RPS29: variants seen among roughly 807,000 people sequenced by gnomAD.
RPS29 encodes the protein small ribosomal subunit protein uS14.
For missense variants in RPS29, 60 were observed against 75.7 expected, an observed-to-expected ratio of 0.79 and a Z score of 0.77; for synonymous variants, 37 against 26.9, an observed-to-expected ratio of 1.37 and a Z score of -1.16.
upstream of RPS29, among the ~76,000 whole-genome samples, chr14:49,587,035 T>G (rs1430291327): frequency 6.6e-6 from 1 of 152,230 alleles, no homozygotes; most frequent in Non-Finnish European, 1.5e-5. Flanking sequence ...GGAATAAATT[T>G]ACAAAACAAC....
At chr14:49,589,748 C>T (rs528462131), upstream of RPS29, among the ~76,000 whole-genome samples, 1 of 152,202 alleles carries the variant, frequency 6.6e-6, no homozygotes, top group Non-Finnish European at 1.5e-5. Flanking sequence ...TTCATCGCAG[C>T]ACTATTCACA....
At chr14:49,598,576 T>A (rs990298305) in exon 1 of RPS29, 1 of 702,126 alleles carries the variant, frequency 1.4e-6, no homozygotes, top group Admixed American at 2.0e-5. Context: ...CAGTTCTAAG[T>A]GCCTTTCCCT....
intron 2 of RPS29, 26 bp from the exon 3 acceptor site, chr14:49,583,701 A>C: frequency 7.6e-7 from 1 of 1,314,346 alleles, no homozygotes; most frequent in Non-Finnish European, 1.1e-6. Context: ...CAGATGATTT[A>C]TTTCAAAATG....
At chr14:49,593,656 G>A (rs1355160050) in intron 1 of RPS29, among the ~76,000 whole-genome samples, 2 of 117,454 alleles carry the variant, frequency 1.7e-5, no homozygotes, top group Non-Finnish European at 3.2e-5. Flanking sequence ...TCACGGCATC[G>A]CACTCCAGCC....
chr14:49,581,005 T>C (rs1341071898), downstream of RPS29, among the ~76,000 whole-genome samples: 5 of 151,908 alleles, frequency 3.3e-5, no homozygotes, highest in South Asian at 2.1e-4. Context: ...TTGGCCGGCA[T>C]GGAGAAACCC....
upstream of RPS29, chr14:49,586,520 C>T: frequency 1.6e-6 from 1 of 639,654 alleles, no homozygotes; most frequent in Admixed American, 2.4e-5. Flanking sequence ...TGTGGGCTGG[C>T]CCAGTTGATG....
intron 2 of RPS29, among the ~76,000 whole-genome samples, chr14:49,585,095 C>A (rs750415593): frequency 1.3e-5 from 2 of 152,066 alleles, no homozygotes; most frequent in African/African-American, 4.8e-5. Context: ...GTTGGCCGGG[C>A]GCGGTGGCTC....
chr14:49,576,523 A>C (rs1881184491), exon 3 of RPS29: 1 of 152,144 alleles, frequency 6.6e-6, no homozygotes, highest in African/African-American at 2.4e-5. Context: ...CTAATACACC[A>C]ATTACCATTA....
Position 49,598,133 on chromosome 14 carries a change from C to T in RPS29, c.-133+267G>A, listed in dbSNP as rs186997692. ...TCATTTTACCATTACGGAAGTATAA[C>T]TCAGACACAATAAAATGTTTAATAT... On this transcript the variant is annotated intron_variant, in intron 1 of 3. Coordinates refer to the RPS29 transcript ENST00000556230. The T allele has an allele frequency of 1.6e-5, 7 of 429,258 alleles. No individual in the cohort carries two copies. In the East Asian group the frequency reaches 1.9e-4, roughly 11 times the overall value. The allele number at this position is 429,258 out of a possible 1,614,324, so 26.6% of individuals were successfully genotyped here.
intron 2 of RPS29, among the ~76,000 whole-genome samples, chr14:49,578,034 T>C (rs1881233815): frequency 6.6e-6 from 1 of 152,106 alleles, no homozygotes; most frequent in Non-Finnish European, 1.5e-5. Flanking sequence ...AGAGAAACAG[T>C]TGAAATAATC....
At chr14:49,592,364 T>G (rs1016649152) in intron 1 of RPS29, 2 of 35,250 alleles carry the variant, frequency 5.7e-5, no homozygotes, top group African/African-American at 1.1e-4. Flanking sequence ...AAAGTCTATG[T>G]TTTTTTTTTT....
chr14:49,575,881 T>G (rs1242771587), exon 3 of RPS29: 1 of 152,138 alleles, frequency 6.6e-6, no homozygotes, highest in Non-Finnish European at 1.5e-5. Context: ...ATTTAGCAAA[T>G]TACTTTATGT....
downstream of RPS29, among the ~76,000 whole-genome samples, chr14:49,582,716 CA>C (rs1237764504): frequency 6.6e-6 from 1 of 152,234 alleles, no homozygotes; most frequent in Non-Finnish European, 1.5e-5. Context: ...TCAGGAGGCA[CA>C]GGGTATACCC....
At chr14:49,575,078 T>C (rs1443163387) in exon 3 of RPS29, 1 of 152,702 alleles carries the variant, frequency 6.5e-6, no homozygotes, top group Non-Finnish European at 1.5e-5. Context: ...TCTCGCTCTG[T>C]CGCCCAGGCT....
chr14:49,596,668 T>TA (rs1165096966), intron 1 of RPS29, among the ~76,000 whole-genome samples: 2 of 152,302 alleles, frequency 1.3e-5, no homozygotes, highest in African/African-American at 4.8e-5. Context: ...TGTTTCACTC[T>TA]AAAATCACCG....
At chr14:49,585,808 A>C in intron 2 of RPS29, 142 bp downstream of exon 2, 1 of 642,238 alleles carries the variant, frequency 1.6e-6, no homozygotes, top group South Asian at 1.9e-5. Context: ...CCAGCTACCA[A>C]CTAAAAAAAG....
chr14:49,594,371 T>C lies in RPS29; in HGVS notation c.-133+4029A>G, dbSNP rs553285070. ...AAAAAAAAAAATCCTAAGTGTTAAATGAATGAATAAATGTATTGAAGCAAG... is the reference window on the plus strand; with the variant it reads ...AAAAAAAAAAATCCTAAGTGTTAAACGAATGAATAAATGTATTGAAGCAAG... On this transcript the variant is annotated intron_variant, in intron 1 of 3. Transcript: ENST00000556230. Among the ~76,000 whole-genome samples the C allele has an allele frequency of 2.1e-3, 319 of 151,816 alleles. 1 individual carries two copies. The highest frequency in any genetic ancestry group is 3.2e-3 in the Non-Finnish European group (217 of 67,960).
At chr14:49,584,860 TA>T (rs973441032) in intron 2 of RPS29, among the ~76,000 whole-genome samples, 2 of 151,730 alleles carry the variant, frequency 1.3e-5, no homozygotes, top group African/African-American at 4.8e-5. Flanking sequence ...GAGCCAATAA[TA>T]AATTCGTTTT....
In RPS29 at chr14:49,584,247, G is replaced by T. The variant is rs1014067118; in HGVS notation, c.163-572C>A. Among the ~76,000 whole-genome samples, 4 of 152,260 alleles carry T rather than the reference G, an allele frequency of 2.6e-5. No homozygotes were observed. In the East Asian group the frequency reaches 5.8e-4, roughly 22 times the overall value. On this transcript the variant is annotated intron_variant, in intron 2 of 2. Coordinates refer to ENST00000245458, the MANE Select transcript of RPS29 (RefSeq NM_001032.5). ...TCTTGTCGGCCTCCCAAAGTGCTGG[G>T]ATTTCAGGTGTGAGGCACCTCGCCT... is the stretch of plus-strand genomic sequence containing the variant.
Sources: gnomAD v4.1 joint callset for allele counts (sites outside exome capture counted in the v4.1 genomes callset) on GRCh38, gnomAD v4.1.1 for gene constraint, MANE v1.5 for transcripts, NCBI Gene and HGNC (gene_info 2026-07-23, HGNC 2026-07-21) for gene names.